PEAK1: variants seen among roughly 807,000 people sequenced by gnomAD.
PEAK1 encodes pseudopodium enriched atypical kinase 1.
In PEAK1, 54 loss-of-function variants were observed where a neutral mutation model predicts 124.7. The ratio of observed to expected loss-of-function variants is 0.43; its 90% CI spans 0.35 to 0.54. The LOEUF (loss-of-function observed/expected upper bound fraction) is 0.54. Among genes scored for constraint, PEAK1 ranks in the 20% least tolerant of loss-of-function variants. The pLI, the probability that PEAK1 is intolerant of heterozygous loss-of-function variation, is 0.01. For synonymous variants in PEAK1, 719 were observed against 760.0 expected (o/e 0.95, Z 0.89); for missense variants, 2,046 against 2,134.5 (o/e 0.96, Z 0.82).
At chr15:77,258,003 G>C (rs539389027) in intron 5 of PEAK1, among the ~76,000 whole-genome samples, 74 of 152,288 alleles carry the variant, frequency 4.9e-4, no homozygotes, top group African/African-American at 1.7e-3. Flanking sequence ...CCCATTGCTT[G>C]TTTTTCTCAG....
chr15:77,340,787 C>G (rs2066481120), intron 2 of PEAK1, among the ~76,000 whole-genome samples: 1 of 152,008 alleles, frequency 6.6e-6, no homozygotes, highest in Non-Finnish European at 1.5e-5. Flanking sequence ...TGATCCCAAA[C>G]AATATTGCTC....
In PEAK1 at chr15:77,111,874, T is replaced by C. The variant is rs1421975831; in HGVS notation, c.*2282A>G. On this transcript the variant is annotated 3_prime_UTR_variant, in exon 10 of 10. Transcript: ENST00000682557. ...GACATTGAGAAGGTATATCTCAATA[T>C]GCAAGACATTGCAAGATGGGAGGTG... 6.6e-6 allele frequency: 1 copy of C among 152,258 alleles called. No homozygotes were observed. The highest frequency in any genetic ancestry group is 1.5e-5 in the Non-Finnish European group (1 of 68,042). 9.4% of individuals were successfully genotyped at this position (152,258 alleles called of 1,614,324 possible).
chr15:77,322,705 G>A (rs1158071487), intron 2 of PEAK1, among the ~76,000 whole-genome samples: 3 of 152,156 alleles, frequency 2.0e-5, no homozygotes, highest in Admixed American at 6.5e-5. Flanking sequence ...GAGGTACAAG[G>A]AGGAGCTGGT....
chr15:77,307,093 G>A (rs2064147484), intron 2 of PEAK1, among the ~76,000 whole-genome samples: 1 of 151,998 alleles, frequency 6.6e-6, no homozygotes, highest in South Asian at 2.1e-4. Context: ...ACAGCAAATG[G>A]AAACATAAAT....
At chr15:77,125,126 T>C (rs922427406) in intron 9 of PEAK1, among the ~76,000 whole-genome samples, 2 of 152,228 alleles carry the variant, frequency 1.3e-5, no homozygotes, top group Non-Finnish European at 2.9e-5. Context: ...TAAACATTTT[T>C]TGAAGGGTCA....
intron 8 of PEAK1, among the ~76,000 whole-genome samples, chr15:77,152,186 C>T (rs2054697470): frequency 6.6e-6 from 1 of 152,090 alleles, no homozygotes; most frequent in African/African-American, 2.4e-5. Context: ...TGTAGTTCTC[C>T]TTGAAGAGGT....
At chr15:77,205,047 G>T in intron 6 of PEAK1, 1 of 183,802 alleles carries the variant, frequency 5.4e-6, no homozygotes, top group South Asian at 1.0e-4. Context: ...GACTAAAAAC[G>T]AGGCATGTCC....
At chr15:77,271,330 G>C (rs2062019201) in intron 5 of PEAK1, among the ~76,000 whole-genome samples, 2 of 152,198 alleles carry the variant, frequency 1.3e-5, no homozygotes, top group Non-Finnish European at 2.9e-5. Context: ...TACACTGTTG[G>C]TGGGACTGTA....
intron 2 of PEAK1, among the ~76,000 whole-genome samples, chr15:77,307,730 T>C (rs2064184314): frequency 6.6e-6 from 1 of 152,064 alleles, no homozygotes; most frequent in African/African-American, 2.4e-5. Context: ...TTTTAGCTTT[T>C]GCATGTACTT....
At chr15:77,106,284 G>A (rs1331464468), downstream of PEAK1, 9 of 152,130 alleles carry the variant, frequency 5.9e-5, no homozygotes, top group African/African-American at 2.2e-4. Flanking sequence ...TCAAAATTAC[G>A]GTTTCCCACA....
intron 6 of PEAK1, among the ~76,000 whole-genome samples, chr15:77,243,882 C>T (rs928093982): frequency 3.9e-5 from 6 of 152,022 alleles, no homozygotes; most frequent in Non-Finnish European, 8.8e-5. Flanking sequence ...GCAGGAGAAT[C>T]TCTTGAACTT....
chr15:77,356,820 C>G (rs1193308964), intron 2 of PEAK1, among the ~76,000 whole-genome samples: 1 of 152,154 alleles, frequency 6.6e-6, no homozygotes, highest in Non-Finnish European at 1.5e-5. Context: ...ATTTATTCAA[C>G]ATGACTTTTA....
intron 2 of PEAK1, chr15:77,333,497 T>C (rs2066014572): frequency 9.1e-6 from 8 of 879,684 alleles, no homozygotes; most frequent in Non-Finnish European, 1.1e-5. Context: ...TCTTAAACAT[T>C]AAAAATAGAA....
chr15:77,236,081 G>A (rs1364248640), intron 6 of PEAK1, among the ~76,000 whole-genome samples: 1 of 152,234 alleles, frequency 6.6e-6, no homozygotes, highest in African/African-American at 2.4e-5. Flanking sequence ...CTCTGCTAGG[G>A]CAGTGTGGAA....
chr15:77,419,057 T>C (rs1333209670), intron 1 of PEAK1: 1 of 985,240 alleles, frequency 1.0e-6, no homozygotes, highest in Non-Finnish European at 1.2e-6. Context: ...CCAATAAAGA[T>C]GAAATCATAG....
intron 7 of PEAK1, among the ~76,000 whole-genome samples, chr15:77,159,933 G>A (rs1051596725): frequency 3.9e-5 from 6 of 152,204 alleles, no homozygotes; most frequent in African/African-American, 1.4e-4. Flanking sequence ...AGTTGGCAGA[G>A]CCAGAGGTCT....
At chr15:77,190,308 C>T (rs1567094006) in intron 6 of PEAK1, among the ~76,000 whole-genome samples, 1 of 152,058 alleles carries the variant, frequency 6.6e-6, no homozygotes, top group Non-Finnish European at 1.5e-5. Flanking sequence ...TGAGGAAATA[C>T]CATAATAAAC....
rs779374398 is a variant in PEAK1, at chr15:77,180,420, A to G, written c.1507T>C (p.Ser503Pro). ...VNSPKTKSSS[S>P]TPNSPVTSSS... ...GATGTAACTGGAGAGTTTGGAGTAG[A>G]GGATGAGCTTTTTGTCTTGGGGCTG... The change falls in exon 7 of 10, where the codon TCT becomes CCT. Residue 503 changes from serine to proline, a missense_variant. Ser to Pro is a moderately conservative substitution (Grantham distance 74). Coordinates refer to ENST00000682557, the MANE Select transcript of PEAK1 (RefSeq NM_001385026.1). The G allele has an allele frequency of 1.4e-5, 23 of 1,614,058 alleles. No individual in the cohort carries two copies. The highest frequency in any genetic ancestry group is 1.9e-5 in the Non-Finnish European group (22 of 1,180,026).
intron 6 of PEAK1, among the ~76,000 whole-genome samples, chr15:77,231,724 T>A (rs1402222022): frequency 6.6e-6 from 1 of 152,162 alleles, no homozygotes; most frequent in South Asian, 2.1e-4. Flanking sequence ...TAATTGCATA[T>A]GAAATTGTAA....
Sources: allele counts gnomAD v4.1 joint callset (sites outside exome capture counted in the v4.1 genomes callset), GRCh38; gene constraint gnomAD v4.1.1; transcripts MANE v1.5; gene names NCBI Gene and HGNC (gene_info 2026-07-23, HGNC 2026-07-21).